The following SLC8A1 variants were observed in gnomAD, a reference collection of about 807,000 sequenced individuals.
The protein encoded by SLC8A1 is sodium/calcium exchanger 1.
SLC8A1 carries 18 observed loss-of-function variants against 68.3 expected under a neutral mutation model. That is an observed-to-expected ratio of 0.26 (90% CI 0.18 to 0.39). SLC8A1 has a LOEUF of 0.39. Ranked by LOEUF, SLC8A1 falls within the 10% of genes least tolerant of loss-of-function variation. SLC8A1 has a pLI of 1.00. For synonymous variants in SLC8A1, 475 were observed against 415.5 expected, an observed-to-expected ratio of 1.14 and a Z score of -1.74; for missense variants, 985 against 1,156.7, an observed-to-expected ratio of 0.85 and a Z score of 2.15.
chr2:40,148,500 T>C (rs1285813891), intron 6 of SLC8A1, among the ~76,000 whole-genome samples: 3 of 152,232 alleles, frequency 2.0e-5, no homozygotes, highest in Non-Finnish European at 4.4e-5. Context: ...AGTAACAGTC[T>C]AATGATGGCC....
At chr2:40,270,235 G>T (rs770144053) in intron 2 of SLC8A1, among the ~76,000 whole-genome samples, 15 of 152,226 alleles carry the variant, frequency 9.9e-5, no homozygotes, top group Non-Finnish European at 1.9e-4. Context: ...TCCAGCCCTA[G>T]CTTCAGATCC....
intron 2 of SLC8A1, among the ~76,000 whole-genome samples, chr2:40,276,231 C>T (rs2066679255): frequency 1.3e-5 from 2 of 152,154 alleles, no homozygotes; most frequent in South Asian, 4.1e-4. Context: ...GGCAAGAAGA[C>T]AAGACAGAGG....
At chr2:40,401,196 G>C (rs754800435) in intron 2 of SLC8A1, among the ~76,000 whole-genome samples, 1 of 152,166 alleles carries the variant, frequency 6.6e-6, no homozygotes, top group Non-Finnish European at 1.5e-5. Context: ...TCTGTGGCAT[G>C]CCTGCACTTT....
intron 2 of SLC8A1, among the ~76,000 whole-genome samples, chr2:40,253,028 T>C (rs1199539379): frequency 2.1e-5 from 2 of 97,092 alleles, no homozygotes; most frequent in Non-Finnish European, 5.7e-5. Flanking sequence ...TATATGTATA[T>C]ACATATGTAT....
chr2:40,252,742 T>C (rs908385920), intron 2 of SLC8A1, among the ~76,000 whole-genome samples: 3 of 144,468 alleles, frequency 2.1e-5, no homozygotes, highest in Non-Finnish European at 3.0e-5. Context: ...TCTTCTTTTA[T>C]TGGAGAGTTT....
chr2:40,310,835 G>T (rs778640709), intron 2 of SLC8A1, among the ~76,000 whole-genome samples: 33 of 152,180 alleles, frequency 2.2e-4, no homozygotes, highest in Non-Finnish European at 4.7e-4. Context: ...GTGCCAAAAT[G>T]CAGTTTAGCA....
chr2:40,502,872 T>C (rs1265757847), intron 1 of SLC8A1, among the ~76,000 whole-genome samples: 2 of 152,098 alleles, frequency 1.3e-5, no homozygotes, highest in East Asian at 1.9e-4. Flanking sequence ...ATTAGCAATA[T>C]ACAGGATTCT....
At chr2:40,427,178 ACTT>A (rs1457185193) in intron 2 of SLC8A1, among the ~76,000 whole-genome samples, 1 of 152,096 alleles carries the variant, frequency 6.6e-6, no homozygotes, top group African/African-American at 2.4e-5. Context: ...ACTCGACACT[ACTT>A]ATCACTATAG....
chr2:40,373,713 T>G lies in SLC8A1; in HGVS notation c.1808+54760A>C, dbSNP rs544587015. On this transcript the variant is annotated intron_variant, in intron 2 of 7. Transcript: ENST00000406785. ...GGATCCGAGGCTCAGAATTCCCACTTTTTCCTTCCTACAAACAAACAGTAG... is the reference window on the plus strand; with the variant it reads ...GGATCCGAGGCTCAGAATTCCCACTGTTTCCTTCCTACAAACAAACAGTAG... Among the ~76,000 whole-genome samples the G allele has an allele frequency of 5.9e-5, 9 of 152,124 alleles. No homozygotes were observed. In the South Asian group the frequency reaches 1.0e-3, roughly 18 times the overall value.
chr2:40,490,860 A>G (rs116474994), intron 1 of SLC8A1, among the ~76,000 whole-genome samples: 4,985 of 152,228 alleles, frequency 0.033, 177 homozygotes, highest in Admixed American at 0.1. Context: ...ATTATATTAT[A>G]GAGAATCATA....
chr2:40,345,552 T>C (rs1402903575), intron 2 of SLC8A1, among the ~76,000 whole-genome samples: 2 of 152,000 alleles, frequency 1.3e-5, no homozygotes, highest in African/African-American at 4.8e-5. Context: ...GAGTTGTTAA[T>C]AAATGAATAA....
At chr2:40,312,994 T>C (rs72796682) in intron 2 of SLC8A1, among the ~76,000 whole-genome samples, 5,862 of 152,152 alleles carry the variant, frequency 0.039, 165 homozygotes, top group Non-Finnish European at 0.057. Context: ...TGTATACATA[T>C]GCTGCATATA....
At position 40,115,664 on chromosome 2, in the gene SLC8A1, A is replaced by G. The variant is rs751478459; in HGVS notation, c.2438-35T>C. The G allele has an allele frequency of 1.2e-5, 19 of 1,579,776 alleles. No homozygotes were observed. In the South Asian group the frequency reaches 1.5e-4, roughly 12 times the overall value. ...AAGAAGAGAAAGTCAATGACACTCAATCTTTTAGAGATGTCTTTGGAGTGC... is the reference window on the plus strand; with the variant it reads ...AAGAAGAGAAAGTCAATGACACTCAGTCTTTTAGAGATGTCTTTGGAGTGC... On this transcript the variant is annotated intron_variant, in intron 7 of 7. Coordinates refer to ENST00000406785, the Ensembl canonical transcript of SLC8A1.
chr2:40,318,681 C>G (rs1273077196), intron 2 of SLC8A1, among the ~76,000 whole-genome samples: 1 of 151,968 alleles, frequency 6.6e-6, no homozygotes, highest in Non-Finnish European at 1.5e-5. Context: ...TTACAAAATT[C>G]AGTCCCAAAA....
At chr2:40,169,815 C>A (rs1200623772) in intron 4 of SLC8A1, among the ~76,000 whole-genome samples, 1 of 152,104 alleles carries the variant, frequency 6.6e-6, no homozygotes, top group East Asian at 1.9e-4. Context: ...GTGGTACACA[C>A]CTATAGTCCT....
intron 2 of SLC8A1, among the ~76,000 whole-genome samples, chr2:40,236,976 A>T (rs1339945759): frequency 6.6e-6 from 1 of 152,066 alleles, no homozygotes; most frequent in Non-Finnish European, 1.5e-5. Context: ...ATCCGCTGTT[A>T]GTCTGATGGG....
At chr2:40,266,953 C>T (rs2065433010) in intron 2 of SLC8A1, among the ~76,000 whole-genome samples, 1 of 152,070 alleles carries the variant, frequency 6.6e-6, no homozygotes, top group Non-Finnish European at 1.5e-5. Context: ...TTGTTAGGTC[C>T]CATAGAACTG....
chr2:40,203,888 T>A (rs576424282), intron 2 of SLC8A1, among the ~76,000 whole-genome samples: 27 of 151,768 alleles, frequency 1.8e-4, no homozygotes, highest in Admixed American at 3.3e-4. Context: ...AATTAAAAAT[T>A]TTTTTTTTGT....
At chr2:40,307,195 A>T (rs933207211) in intron 2 of SLC8A1, among the ~76,000 whole-genome samples, 1 of 151,798 alleles carries the variant, frequency 6.6e-6, no homozygotes, top group Non-Finnish European at 1.5e-5. Flanking sequence ...ACACACACCA[A>T]TATAACAGAA....
Sources: gnomAD v4.1 joint callset for allele counts (sites outside exome capture counted in the v4.1 genomes callset) on GRCh38, gnomAD v4.1.1 for gene constraint, MANE v1.5 for transcripts, NCBI Gene and HGNC (gene_info 2026-07-23, HGNC 2026-07-21) for gene names.